The following SV2C variants were observed in gnomAD, a reference collection of about 807,000 sequenced individuals.
The protein encoded by SV2C is solute carrier family 22 member B3.
In SV2C, 49 loss-of-function variants were observed where a neutral mutation model predicts 79.7. The ratio of observed to expected loss-of-function variants is 0.61; its 90% CI spans 0.49 to 0.78. The LOEUF is 0.78. Ranked by LOEUF, SV2C falls within the 30% of genes least tolerant of loss-of-function variation. SV2C has a pLI of 0.00. For synonymous variants in SV2C, 334 were observed against 333.2 expected (o/e 1.00, Z -0.03); for missense variants, 833 against 912.9 (o/e 0.91, Z 1.13).
the SV2C span, among the ~76,000 whole-genome samples, chr5:75,869,282 T>A: frequency 6.6e-6 from 1 of 152,106 alleles, no homozygotes; most frequent in Non-Finnish European, 1.5e-5. Context: ...CACTCCCCTG[T>A]AGGGTGAGTC....
chr5:76,114,344 C>A (rs1748192345), intron 1 of SV2C, among the ~76,000 whole-genome samples: 1 of 152,102 alleles, frequency 6.6e-6, no homozygotes, highest in Admixed American at 6.5e-5. Flanking sequence ...ATAGCCACCA[C>A]CCTAAGAACC....
At chr5:76,099,076 T>C (rs17650698) in intron 1 of SV2C, among the ~76,000 whole-genome samples, 2,194 of 152,278 alleles carry the variant, frequency 0.014, 28 homozygotes, top group South Asian at 0.034. Flanking sequence ...TATGAGTTGC[T>C]ATGTTGATTA....
chr5:75,863,922 A>G, the SV2C span, among the ~76,000 whole-genome samples: 1 of 152,216 alleles, frequency 6.6e-6, no homozygotes, highest in Non-Finnish European at 1.5e-5. Flanking sequence ...TTTTCAATAA[A>G]TGACAAATAT....
chr5:75,906,156 G>T, the SV2C span, among the ~76,000 whole-genome samples: 1 of 151,976 alleles, frequency 6.6e-6, no homozygotes, highest in Non-Finnish European at 1.5e-5. Flanking sequence ...AGCCTCAGTT[G>T]TGACAACCAA....
At chr5:75,952,098 C>A in the SV2C span, among the ~76,000 whole-genome samples, 1 of 151,774 alleles carries the variant, frequency 6.6e-6, no homozygotes, top group African/African-American at 2.4e-5. Flanking sequence ...TTAAGTACAG[C>A]AGTAAAAATG....
chr5:75,855,257 A>T, the SV2C span, among the ~76,000 whole-genome samples: 1 of 152,050 alleles, frequency 6.6e-6, no homozygotes, highest in African/African-American at 2.4e-5. Flanking sequence ...ACACTTAATG[A>T]TTTTTTTCCT....
At chr5:75,942,403 G>A in the SV2C span, among the ~76,000 whole-genome samples, 1 of 152,150 alleles carries the variant, frequency 6.6e-6, no homozygotes, top group African/African-American at 2.4e-5. Context: ...TTTGACTGGT[G>A]GGAAGACGTG....
intron 2 of SV2C, among the ~76,000 whole-genome samples, chr5:76,137,776 C>T (rs17746851): frequency 0.06 from 9,117 of 152,192 alleles, 705 homozygotes; most frequent in East Asian, 0.36. Context: ...ATGTGCTTCT[C>T]TAGACATGCC....
At chr5:76,038,296 A>C in the SV2C span, among the ~76,000 whole-genome samples, 7 of 152,250 alleles carry the variant, frequency 4.6e-5, no homozygotes, top group Non-Finnish European at 8.8e-5. Context: ...GTGAATGGAT[A>C]AATGAAAGCC....
At chr5:76,239,199 A>G (rs1032984696) in intron 4 of SV2C, among the ~76,000 whole-genome samples, 1 of 151,952 alleles carries the variant, frequency 6.6e-6, no homozygotes, top group Admixed American at 6.6e-5. Context: ...CTCATCCCTC[A>G]TTATCTCCTC....
At chr5:76,264,726 C>T (rs1447032285) in intron 4 of SV2C, among the ~76,000 whole-genome samples, 1 of 152,148 alleles carries the variant, frequency 6.6e-6, no homozygotes, top group African/African-American at 2.4e-5. Context: ...TGATGGCGGT[C>T]GGCTCCAGAG....
chr5:75,914,814 TC>T, the SV2C span, among the ~76,000 whole-genome samples: 1 of 152,218 alleles, frequency 6.6e-6, no homozygotes, highest in Non-Finnish European at 1.5e-5. Context: ...GATAATGCTA[TC>T]CCCATTTTTA....
the SV2C span, among the ~76,000 whole-genome samples, chr5:75,952,993 G>T: frequency 6.6e-6 from 1 of 151,870 alleles, no homozygotes; most frequent in Non-Finnish European, 1.5e-5. Context: ...CATTTGTGTT[G>T]CTATAAAAGA....
At chr5:75,911,650 G>T in the SV2C span, 3 of 699,828 alleles carry the variant, frequency 4.3e-6, no homozygotes, top group East Asian at 5.8e-5. Context: ...TCAGAACCCC[G>T]AAGAACTTTG....
chr5:76,075,548 C>T, the SV2C span: 5 of 177,524 alleles, frequency 2.8e-5, no homozygotes, highest in East Asian at 1.7e-4. Flanking sequence ...TGGAGTCATG[C>T]GTTGCACTGG....
rs935795155 is a variant in SV2C, at chr5:76,318,085, C to T, written c.2001-7279C>T. Among the ~76,000 whole-genome samples the T allele has an allele frequency of 5.9e-5, 9 of 151,986 alleles. 1 individual carries two copies. The highest frequency in any genetic ancestry group is 1.3e-4 in the Non-Finnish European group (9 of 68,018). Reference sequence around the variant, plus strand: ...AGGACAAAATTATCCTCATTTTATCCAGAATGGAGCCAGTAGTTTTCTTTT... The same window carrying T: ...AGGACAAAATTATCCTCATTTTATCTAGAATGGAGCCAGTAGTTTTCTTTT... On this transcript the variant is annotated intron_variant, in intron 12 of 12. Transcript: ENST00000502798.
intron 1 of SV2C, among the ~76,000 whole-genome samples, chr5:76,122,038 T>TA (rs1171238028): frequency 2.6e-5 from 4 of 152,116 alleles, no homozygotes; most frequent in Non-Finnish European, 5.9e-5. Flanking sequence ...TATCTTCTTT[T>TA]ATTTCATTGA....
At chr5:75,875,431 C>G in the SV2C span, among the ~76,000 whole-genome samples, 1 of 152,056 alleles carries the variant, frequency 6.6e-6, no homozygotes, top group Non-Finnish European at 1.5e-5. Flanking sequence ...AAAATCAACT[C>G]AAGATGAATT....
intron 2 of SV2C, among the ~76,000 whole-genome samples, chr5:76,168,850 C>T (rs925997843): frequency 1.3e-5 from 2 of 152,176 alleles, no homozygotes; most frequent in African/African-American, 4.8e-5. Flanking sequence ...ATCCCTGCCC[C>T]GCTCTTGAGT....
Sources: allele counts gnomAD v4.1 joint callset (sites outside exome capture counted in the v4.1 genomes callset), GRCh38; gene constraint gnomAD v4.1.1; transcripts MANE v1.5; gene names NCBI Gene and HGNC (gene_info 2026-07-23, HGNC 2026-07-21).